Variants in EPG5 observed in about 807,000 individuals in gnomAD.
EPG5 encodes the protein ectopic P-granules 5 autophagy tethering factor, also known as ectopic P granules protein 5 homolog.
In EPG5, 159 loss-of-function variants were observed where a neutral mutation model predicts 302.7. The observed-to-expected ratio is 0.53, with a 90% CI of 0.46 to 0.60. The LOEUF is 0.60. Ranked by LOEUF, EPG5 falls within the 20% of genes least tolerant of loss-of-function variation. The pLI, the probability that EPG5 is intolerant of heterozygous loss-of-function variation, is 0.00. For synonymous variants in EPG5, 1,158 were observed against 1,136.8 expected, an observed-to-expected ratio of 1.02 and a Z score of -0.37; for missense variants, 2,896 against 3,092.4, an observed-to-expected ratio of 0.94 and a Z score of 1.51.
rs890699630 is a variant in EPG5 at position 45,922,425 on chromosome 18, G to A, written c.3014C>T (p.Thr1005Met). The A allele has an allele frequency of 1.1e-5, 17 of 1,614,200 alleles. No individual in the cohort carries two copies. The highest frequency in any genetic ancestry group is 1.6e-4 in the Middle Eastern group (1 of 6,062). The change falls in exon 16 of 44, where the codon ACG becomes ATG. Residue 1005 changes from threonine (T) to methionine (M), a missense_variant. By Grantham distance (81) the Thr-to-Met change is moderately conservative. This residue lies in a region of EPG5 where 1,390 missense variants were observed against 1,430.0 expected (regional missense o/e 0.97). Transcript: ENST00000282041. ...CACAGCCTTCAAGAGAGGATGAAAC[G>A]TGGGTGACTCTGTCATGTCAGGCAC... ...VTVPDMTESP[T>M]FHPLLKAVKA... is the part of the protein sequence containing the mutation.
intron 28 of EPG5, among the ~76,000 whole-genome samples, chr18:45,888,686 C>G (rs1440644008): frequency 1.3e-5 from 2 of 152,148 alleles, no homozygotes; most frequent in African/African-American, 4.8e-5. Flanking sequence ...GTGATCCGCC[C>G]ACCTTGGCCT....
chr18:45,837,919 C>CCCCGGCCTCCCTT, the EPG5 span: 1 of 1,466,406 alleles, frequency 6.8e-7, no homozygotes, highest in South Asian at 1.3e-5. Flanking sequence ...GGGAGCGGGT[C>CCCCGGCCTCCCTT]CCCGGCCTCC....
At chr18:45,909,178 A>G (rs906619513) in intron 23 of EPG5, among the ~76,000 whole-genome samples, 6 of 152,180 alleles carry the variant, frequency 3.9e-5, no homozygotes, top group South Asian at 2.1e-4. Context: ...AGACAAGGAC[A>G]GGGCTTTGGG....
Position 45,934,942 on chromosome 18 carries a change from G to A in EPG5, c.2124C>T (p.Ser708=), listed in dbSNP as rs571198688. The A allele has an allele frequency of 1.3e-5, 21 of 1,612,130 alleles. No homozygotes were observed. The highest frequency in any genetic ancestry group is 1.2e-4 in the Admixed American group (7 of 59,402). ...AKRLGIWLFM[S]EMPFGTLSVQ... ...CAGACAGAGTCCCAAAGGGCATCTCGGACATAAACAGCCAAATGCCAAGTC... is the reference window on the plus strand; with the variant it reads ...CAGACAGAGTCCCAAAGGGCATCTCAGACATAAACAGCCAAATGCCAAGTC... Residue 708 remains serine (S), a synonymous_variant, in exon 11 of 44, where the codon TCC becomes TCT. Transcript: ENST00000282041.
chr18:45,966,075 A>C (rs1382064312), intron 1 of EPG5, among the ~76,000 whole-genome samples: 2 of 149,684 alleles, frequency 1.3e-5, no homozygotes, highest in African/African-American at 2.5e-5. Flanking sequence ...CAAAAACAAA[A>C]ACAAAACAAA....
Position 45,954,517 on chromosome 18 carries a change from C to G in EPG5, c.885G>C (p.Leu295Phe). 6.2e-7 allele frequency: 1 copy of G among 1,614,252 alleles called. No homozygotes were observed. Among genetic ancestry groups the G allele is most frequent in the Non-Finnish European group, 8.5e-7 (1 of 1,180,038 alleles). The change falls in exon 2 of 44, where the codon TTG (leucine) becomes TTC (phenylalanine). Residue 295 changes from leucine (L) to phenylalanine (F), a missense_variant. By Grantham distance (22) the Leu-to-Phe change is conservative (BLOSUM62 0). Coordinates refer to ENST00000282041, the MANE Select transcript of EPG5 (RefSeq NM_020964.3). Reference protein sequence around the residue: ...QDRHEFYELLLNYSRCRKQLL... With the variant: ...QDRHEFYELLFNYSRCRKQLL... Reference sequence around the variant, plus strand: ...GTTGCTTCCTACATCGTGAGTAGTTCAAAAGCAACTCATAAAATTCATGCC... The same window carrying G: ...GTTGCTTCCTACATCGTGAGTAGTTGAAAAGCAACTCATAAAATTCATGCC...
At chr18:45,951,040 A>G (rs929492842) in intron 4 of EPG5, 62 bp downstream of exon 4, 1 of 1,321,090 alleles carries the variant, frequency 7.6e-7, no homozygotes, top group Non-Finnish European at 1.0e-6. Context: ...GATATAACAG[A>G]TAATTCCTAA....
intron 10 of EPG5, among the ~76,000 whole-genome samples, chr18:45,935,733 T>A (rs2050509086): frequency 6.6e-6 from 1 of 152,012 alleles, no homozygotes; most frequent in South Asian, 2.1e-4. Flanking sequence ...AAAATCGAAA[T>A]CCATCCAGTA....
chr18:45,800,777 C>T, the EPG5 span, among the ~76,000 whole-genome samples: 1 of 152,090 alleles, frequency 6.6e-6, no homozygotes, highest in Non-Finnish European at 1.5e-5. Flanking sequence ...ACATTCCATC[C>T]CATCAGGCTG....
the EPG5 span, among the ~76,000 whole-genome samples, chr18:45,825,299 G>A: frequency 6.8e-6 from 1 of 147,318 alleles, no homozygotes; most frequent in Admixed American, 6.8e-5. Flanking sequence ...AGGGAGAAAG[G>A]GAGGAAGAGA....
intron 10 of EPG5, among the ~76,000 whole-genome samples, chr18:45,936,976 A>G (rs1195118133): frequency 6.6e-6 from 1 of 151,910 alleles, no homozygotes; most frequent in Non-Finnish European, 1.5e-5. Context: ...ACCCACACTT[A>G]CCTGGACTCT....
chr18:45,859,993 G>C, intron 40 of EPG5, 111 bp downstream of exon 40: 1 of 1,371,582 alleles, frequency 7.3e-7, no homozygotes, highest in East Asian at 2.3e-5. Flanking sequence ...CAGAAAATTA[G>C]AATGGCAAAT....
In EPG5 at chr18:45,865,363, GTCTCTGAT is replaced by G. The variant is rs2048722003; in HGVS notation, c.6766+244_6766+251del. On this transcript the variant is annotated intron_variant, in intron 39 of 43. Transcript: ENST00000282041. ...CCCTAGAAATGCCGCTCACTGAAAG[GTCTCTGAT>G]ATCTCCTAATCATTAGATCCCATTG... Among the ~76,000 whole-genome samples the G allele has an allele frequency of 2.0e-5, 3 of 152,108 alleles. No homozygotes were observed. The South Asian group carries it at 6.2e-4, about 32-fold the overall frequency.
the EPG5 span, among the ~76,000 whole-genome samples, chr18:45,834,396 C>T: frequency 1.3e-5 from 2 of 152,204 alleles, no homozygotes; most frequent in Non-Finnish European, 2.9e-5. Flanking sequence ...AGTTCAAAGG[C>T]AATGCTCATA....
the EPG5 span, among the ~76,000 whole-genome samples, chr18:45,810,378 T>C: frequency 6.6e-6 from 1 of 152,200 alleles, no homozygotes; most frequent in Non-Finnish European, 1.5e-5. Flanking sequence ...GCCAGCATCA[T>C]CCTAACACCA....
chr18:45,880,124 T>C lies in EPG5; in HGVS notation c.5618A>G (p.Glu1873Gly). The change falls in exon 32 of 44, where the codon GAG becomes GGG. Residue 1873 changes from glutamate to glycine, a missense_variant. Coordinates refer to ENST00000282041, the MANE Select transcript of EPG5 (RefSeq NM_020964.3). ...PSCQQGAAST[E>G]GAVLPSSSDA... The stretch of plus-strand genomic sequence containing the variant: ...AGAAGAGCTGGGAAGCACGGCGCCC[T>C]CGGTGGACGCTGCCCCCTGCTGGCA... The C allele has an allele frequency of 6.2e-7, 1 of 1,610,958 alleles. No homozygotes were observed.
chr18:45,923,445 C>T, intron 14 of EPG5, 58 bp from the exon 15 acceptor site: 3 of 1,565,284 alleles, frequency 1.9e-6, no homozygotes, highest in African/African-American at 1.4e-5. Context: ...TGTTTTTGTA[C>T]CTTTGAATCA....
chr18:45,860,001 A>C, intron 40 of EPG5, 103 bp downstream of exon 40: 1 of 1,422,760 alleles, frequency 7.0e-7, no homozygotes, highest in Non-Finnish European at 9.6e-7. Context: ...TAGAATGGCA[A>C]ATCCCTCACT....
chr18:45,913,916 T>C, intron 20 of EPG5, 88 bp from the exon 21 acceptor site: 1 of 1,508,124 alleles, frequency 6.6e-7, no homozygotes. Context: ...TTAAATCTCT[T>C]CCTATCTCAA....
Sources: gnomAD v4.1 joint callset for allele counts (sites outside exome capture counted in the v4.1 genomes callset) on GRCh38, gnomAD v4.1.1 for gene constraint, gnomAD v4.1.1 regional missense constraint, MANE v1.5 for transcripts, NCBI Gene and HGNC (gene_info 2026-07-23, HGNC 2026-07-21) for gene names.